GNG2: variants seen among roughly 807,000 people sequenced by gnomAD.
The protein encoded by GNG2 is guanine nucleotide-binding protein G(I)/G(S)/G(O) subunit gamma-2.
Under a neutral mutation model 5.5 loss-of-function variants are expected in GNG2, and 5 were observed. The observed-to-expected ratio is 0.91, with a 90% CI of 0.48 to 1.92. The LOEUF (loss-of-function observed/expected upper bound fraction) is 1.92. Among genes scored for constraint, GNG2 ranks in the 30% most tolerant of loss-of-function variants. The pLI is 0.01. For missense variants in GNG2, 55 were observed against 88.4 expected, an observed-to-expected ratio of 0.62 and a Z score of 1.52; for synonymous variants, 28 against 32.0, an observed-to-expected ratio of 0.88 and a Z score of 0.42.
chr14:51,946,443 G>T (rs1888648637), intron 2 of GNG2, among the ~76,000 whole-genome samples: 2 of 152,268 alleles, frequency 1.3e-5, no homozygotes, highest in South Asian at 4.1e-4. Flanking sequence ...CTACATTGCG[G>T]TCAGTTTAAA....
chr14:51,966,705 G>A lies in GNG2; in HGVS notation c.*18G>A. ...TCCTTTAAGTCTTTGAGAGGGGCCT[G>A]AAGAGCCTCCGGGCTCCTGGGACAT... On this transcript the variant is annotated 3_prime_UTR_variant, in exon 4 of 4. Coordinates refer to ENST00000556766, the MANE Select transcript of GNG2 (RefSeq NM_053064.5). The A allele has an allele frequency of 6.2e-7, 1 of 1,611,658 alleles. No individual in the cohort carries two copies. The highest frequency in any genetic ancestry group is 8.5e-7 in the Non-Finnish European group (1 of 1,177,808).
At chr14:51,894,373 G>A (rs1885053476) in intron 2 of GNG2, among the ~76,000 whole-genome samples, 2 of 138,186 alleles carry the variant, frequency 1.4e-5, no homozygotes, top group African/African-American at 5.0e-5. Context: ...GCTAAAACTT[G>A]TTCTCAGACT....
chr14:51,893,226 C>T (rs559651060), intron 2 of GNG2, among the ~76,000 whole-genome samples: 5 of 152,238 alleles, frequency 3.3e-5, no homozygotes, highest in South Asian at 4.2e-4. Context: ...TTTGGATGCC[C>T]ATTAGTAAAT....
Position 51,966,677 on chromosome 14 carries a change from C to T in GNG2, c.206C>T (p.Ala69Val), listed in dbSNP as rs2140312232. ...NPFREKKFFCAIL is the reference protein window; with the variant it reads ...NPFREKKFFCVIL The stretch of plus-strand genomic sequence containing the variant: ...TTTAGGGAGAAGAAGTTTTTCTGTG[C>T]CATCCTTTAAGTCTTTGAGAGGGGC... Residue 69 changes from alanine (A) to valine (V), a missense_variant, in exon 4 of 4, where the codon GCC becomes GTC. Coordinates refer to ENST00000556766, the MANE Select transcript of GNG2 (RefSeq NM_053064.5). 1 of 1,613,726 alleles carries T rather than the reference C, an allele frequency of 6.2e-7. No homozygotes were observed.
At chr14:51,869,697 A>C (rs1298348258) in intron 1 of GNG2, among the ~76,000 whole-genome samples, 3 of 151,942 alleles carry the variant, frequency 2.0e-5, no homozygotes, top group Non-Finnish European at 4.4e-5. Context: ...TATTTGAGTA[A>C]AGATGGGGTT....
At chr14:51,952,076 C>A in intron 3 of GNG2, 1 of 600,488 alleles carries the variant, frequency 1.7e-6, no homozygotes, top group South Asian at 2.0e-5. Flanking sequence ...GATGTATAGC[C>A]AAGGTTGAGA....
chr14:51,917,894 C>T (rs771144002), intron 2 of GNG2, among the ~76,000 whole-genome samples: 8 of 151,874 alleles, frequency 5.3e-5, no homozygotes, highest in Non-Finnish European at 1.0e-4. Flanking sequence ...GGCATGGTGG[C>T]GGGCGCCTGT....
intron 2 of GNG2, among the ~76,000 whole-genome samples, chr14:51,939,053 G>T (rs1594939780): frequency 6.6e-6 from 1 of 152,094 alleles, no homozygotes; most frequent in African/African-American, 2.4e-5. Flanking sequence ...ATGGAAACTA[G>T]TTCATTATTT....
intron 2 of GNG2, among the ~76,000 whole-genome samples, chr14:51,837,008 C>A (rs1881350335): frequency 6.6e-6 from 1 of 151,862 alleles, no homozygotes; most frequent in Non-Finnish European, 1.5e-5. Flanking sequence ...TAGGCACCTG[C>A]CACCACACCT....
intron 2 of GNG2, among the ~76,000 whole-genome samples, chr14:51,894,205 A>G (rs192192464): frequency 1.1e-4 from 17 of 152,246 alleles, no homozygotes; most frequent in Non-Finnish European, 2.4e-4. Flanking sequence ...TGCGGTTTCC[A>G]TCTGGAAAAC....
At chr14:51,927,145 T>C (rs1887378624) in intron 2 of GNG2, among the ~76,000 whole-genome samples, 1 of 151,386 alleles carries the variant, frequency 6.6e-6, no homozygotes, top group Non-Finnish European at 1.5e-5. Context: ...TATTTACTGT[T>C]ATTTACTCAA....
intron 2 of GNG2, among the ~76,000 whole-genome samples, chr14:51,920,082 T>C (rs530721201): frequency 6.6e-6 from 1 of 152,310 alleles, no homozygotes; most frequent in Non-Finnish European, 1.5e-5. Flanking sequence ...GCTGGCCCTT[T>C]GTATCTGAGG....
intron 2 of GNG2, among the ~76,000 whole-genome samples, chr14:51,890,263 C>T (rs960110465): frequency 6.6e-5 from 10 of 152,194 alleles, no homozygotes; most frequent in African/African-American, 2.4e-4. Context: ...AAATAGAGCT[C>T]CACCTGGTCT....
chr14:51,927,012 T>G (rs564790143), intron 2 of GNG2, among the ~76,000 whole-genome samples: 7 of 152,336 alleles, frequency 4.6e-5, no homozygotes, highest in African/African-American at 1.7e-4. Flanking sequence ...CTATTACTTA[T>G]CCGAAGCTGA....
intron 2 of GNG2, among the ~76,000 whole-genome samples, chr14:51,895,841 G>A (rs1407387606): frequency 6.6e-6 from 1 of 152,164 alleles, no homozygotes; most frequent in Non-Finnish European, 1.5e-5. Context: ...TAGTGAATGG[G>A]TCCCACAAGA....
chr14:51,964,808 C>G (rs1221459494), intron 3 of GNG2, among the ~76,000 whole-genome samples: 1 of 152,156 alleles, frequency 6.6e-6, no homozygotes, highest in Non-Finnish European at 1.5e-5. Context: ...GTCAGGCGTT[C>G]AAGACCAGCA....
At chr14:51,841,612 A>C (rs1194652698) in intron 2 of GNG2, 3 of 692,446 alleles carry the variant, frequency 4.3e-6, no homozygotes, top group Non-Finnish European at 7.9e-6. Context: ...TTTCAACAGA[A>C]CCATTAAAAG....
At chr14:51,922,998 TTTG>T (rs1305427126) in intron 2 of GNG2, among the ~76,000 whole-genome samples, 3 of 152,210 alleles carry the variant, frequency 2.0e-5, no homozygotes, top group African/African-American at 7.2e-5. Flanking sequence ...CAACATACGT[TTTG>T]TTAGCAAGGC....
intron 2 of GNG2, among the ~76,000 whole-genome samples, chr14:51,904,695 C>G (rs1566676611): frequency 6.6e-6 from 1 of 152,202 alleles, no homozygotes; most frequent in Non-Finnish European, 1.5e-5. Flanking sequence ...CTTTTTGACT[C>G]ACTCATGCTC....
Sources: allele counts gnomAD v4.1 joint callset (sites outside exome capture counted in the v4.1 genomes callset), GRCh38; gene constraint gnomAD v4.1.1; transcripts MANE v1.5; gene names NCBI Gene and HGNC (gene_info 2026-07-23, HGNC 2026-07-21).